The following RRP12 variants were observed in gnomAD, a reference collection of about 807,000 sequenced individuals.
The protein encoded by RRP12 is ribosomal RNA processing 12 homolog, also known as RRP12-like protein.
RRP12 carries 78 observed loss-of-function variants against 157.3 expected under a neutral mutation model. The observed-to-expected ratio is 0.50, with a 90% CI of 0.41 to 0.60. The LOEUF (loss-of-function observed/expected upper bound fraction) is 0.60, where lower values mean the gene tolerates loss of function less well. RRP12 is among the 20% of genes least tolerant of loss of function. The probability of loss-of-function intolerance (pLI) is 0.00; values close to 1 mark genes in which losing one functional copy is unlikely to be tolerated. For missense variants in RRP12, 1,521 were observed against 1,679.9 expected (o/e 0.91, Z 1.65); for synonymous variants, 726 against 670.9 (o/e 1.08, Z -1.27).
intron 12 of RRP12, 66 bp from the exon 13 acceptor site, chr10:97,380,979 C>G (rs1041707202): frequency 1.6e-6 from 2 of 1,286,280 alleles, no homozygotes; most frequent in African/African-American, 2.9e-5. Context: ...CAGAGAAAGT[C>G]AACGGCCAGC....
intron 15 of RRP12, among the ~76,000 whole-genome samples, chr10:97,378,093 AGAG>A (rs1844361001): frequency 6.6e-6 from 1 of 152,090 alleles, no homozygotes; most frequent in South Asian, 2.1e-4. Context: ...ATAAATAGAG[AGAG>A]GAGACCATGA....
chr10:97,360,604 C>A lies in RRP12; in HGVS notation c.3582G>T (p.Lys1194Asn). The A allele has an allele frequency of 1.2e-6, 2 of 1,613,940 alleles. No individual in the cohort carries two copies. Among genetic ancestry groups the A allele is most frequent in the African/African-American group, 2.7e-5 (2 of 75,024 alleles). The change falls in exon 31 of 34, where the codon AAG (lysine) becomes AAT (asparagine). Residue 1194 changes from lysine to asparagine, a missense_variant. Coordinates refer to ENST00000370992, the MANE Select transcript of RRP12 (RefSeq NM_015179.4). Reference protein sequence around the residue: ...DVIIRNKKHQKLKHQKEAEEE... With the variant: ...DVIIRNKKHQNLKHQKEAEEE... Reference sequence around the variant, plus strand: ...CCTCAGCCTCTTTCTGGTGCTTGAGCTTCTGGTGCTTTTTCTATAGAGAGA... The same window carrying A: ...CCTCAGCCTCTTTCTGGTGCTTGAGATTCTGGTGCTTTTTCTATAGAGAGA...
intron 15 of RRP12, among the ~76,000 whole-genome samples, chr10:97,375,211 A>G (rs1844272376): frequency 6.6e-6 from 1 of 151,124 alleles, no homozygotes; most frequent in Non-Finnish European, 1.5e-5. Flanking sequence ...CTCTTTCCTC[A>G]GTCTCCCAAG....
At chr10:97,398,791 T>G (rs11189202) in intron 2 of RRP12, among the ~76,000 whole-genome samples, 34,532 of 151,946 alleles carry the variant, frequency 0.23, 4,142 homozygotes, top group Middle Eastern at 0.31. Context: ...ATAAATGTTA[T>G]GAACTCTAAA....
At chr10:97,397,106 T>C (rs1844986000) in intron 2 of RRP12, among the ~76,000 whole-genome samples, 2 of 152,092 alleles carry the variant, frequency 1.3e-5, no homozygotes, top group South Asian at 4.1e-4. Flanking sequence ...TGGTAACACC[T>C]AACACAATGT....
intron 19 of RRP12, 97 bp downstream of exon 19, chr10:97,372,639 T>C: frequency 1.0e-6 from 1 of 990,934 alleles, no homozygotes; most frequent in South Asian, 1.4e-5. Context: ...AAGGCTTCCT[T>C]AAATAATGCA....
chr10:97,391,635 A>G (rs950501860), intron 4 of RRP12, among the ~76,000 whole-genome samples: 2 of 148,578 alleles, frequency 1.3e-5, no homozygotes, highest in African/African-American at 2.5e-5. Flanking sequence ...ATAAAACATC[A>G]TTTCGGCCGG....
chr10:97,381,238 G>T, intron 12 of RRP12, 148 bp downstream of exon 12: 1 of 650,668 alleles, frequency 1.5e-6, no homozygotes, highest in Non-Finnish European at 2.7e-6. Context: ...AGCTGCTCCG[G>T]CAGATGTTCA....
At chr10:97,385,522 C>G (rs1341797119) in intron 9 of RRP12, among the ~76,000 whole-genome samples, 1 of 143,172 alleles carries the variant, frequency 7.0e-6, no homozygotes, top group Non-Finnish European at 1.6e-5. Context: ...AAGCCAGAGG[C>G]CTTCTTTGAA....
At position 97,384,400 on chromosome 10, in the gene RRP12, G is replaced by A. The variant is rs575226368; in HGVS notation, c.1208+766C>T. Among the ~76,000 whole-genome samples the A allele has an allele frequency of 3.7e-5, 5 of 134,522 alleles. No individual in the cohort carries two copies. In the East Asian group the frequency reaches 1.2e-3, roughly 32 times the overall value. 88.3% of individuals were successfully genotyped at this position (134,522 alleles called of 152,430 possible). On this transcript the variant is annotated intron_variant, in intron 10 of 33. Transcript: ENST00000370992. ...GGCAGCCTGGACAAGAGGTCCTAAA[G>A]ACCCCCCAACCTTGGCAGCCAGGAT...
At chr10:97,365,438 T>C (rs1843948867) in intron 29 of RRP12, among the ~76,000 whole-genome samples, 1 of 151,996 alleles carries the variant, frequency 6.6e-6, no homozygotes, top group South Asian at 2.1e-4. Flanking sequence ...CACGCCCAGC[T>C]AATTTTTTGT....
intron 15 of RRP12, among the ~76,000 whole-genome samples, chr10:97,377,899 G>A (rs559382336): frequency 4.6e-4 from 70 of 150,862 alleles, no homozygotes; most frequent in Non-Finnish European, 8.1e-4. Context: ...AACAGACAGC[G>A]GATGAAATAG....
At chr10:97,374,428 C>T (rs1844247456) in intron 15 of RRP12, among the ~76,000 whole-genome samples, 2 of 151,590 alleles carry the variant, frequency 1.3e-5, no homozygotes, top group African/African-American at 4.8e-5. Flanking sequence ...TCCCAAAGTG[C>T]TGGGATTACA....
intron 28 of RRP12, 44 bp from the exon 29 acceptor site, chr10:97,366,277 A>G (rs758204878): frequency 3.7e-6 from 6 of 1,604,612 alleles, no homozygotes; most frequent in Non-Finnish European, 3.4e-6. Context: ...GGCCAGTCCC[A>G]TGCTACTCAC....
At chr10:97,378,890 T>G (rs1482907233) in intron 15 of RRP12, among the ~76,000 whole-genome samples, 1 of 151,932 alleles carries the variant, frequency 6.6e-6, no homozygotes, top group Non-Finnish European at 1.5e-5. Context: ...AATAAATAAA[T>G]AAATACACCT....
At chr10:97,378,158 A>T (rs1844362507) in intron 15 of RRP12, among the ~76,000 whole-genome samples, 2 of 152,194 alleles carry the variant, frequency 1.3e-5, no homozygotes, top group African/African-American at 4.8e-5. Flanking sequence ...GGGACTGGGG[A>T]TGTGCAGCCT....
intron 12 of RRP12, 108 bp from the exon 13 acceptor site, chr10:97,381,021 A>C: frequency 2.4e-6 from 2 of 849,568 alleles, no homozygotes; most frequent in Non-Finnish European, 3.8e-6. Context: ...CTGGCCAGCA[A>C]GAATGGGGCC....
chr10:97,369,668 T>C, intron 24 of RRP12, 86 bp from the exon 25 acceptor site: 1 of 1,385,844 alleles, frequency 7.2e-7, no homozygotes, highest in Non-Finnish European at 9.9e-7. Flanking sequence ...GCCACTCAAG[T>C]GTCAGTAAAA....
chr10:97,382,370 T>C (rs1844496330), intron 10 of RRP12, among the ~76,000 whole-genome samples: 1 of 152,084 alleles, frequency 6.6e-6, no homozygotes, highest in Admixed American at 6.6e-5. Flanking sequence ...GTCTCGACCT[T>C]CTGGCCTCAA....
Sources: gnomAD v4.1 joint callset for allele counts (sites outside exome capture counted in the v4.1 genomes callset) on GRCh38, gnomAD v4.1.1 for gene constraint, MANE v1.5 for transcripts, NCBI Gene and HGNC (gene_info 2026-07-23, HGNC 2026-07-21) for gene names.